NIPBL: variants seen among roughly 807,000 people sequenced by gnomAD.
NIPBL encodes NIPBL cohesin loading factor, also known as nipped-B-like protein.
Under a neutral mutation model 321.8 loss-of-function variants are expected in NIPBL, and 19 were observed. The ratio of observed to expected loss-of-function variants is 0.06; its 90% CI spans 0.04 to 0.09. NIPBL has a LOEUF of 0.09. Ranked by LOEUF, NIPBL falls within the 10% of genes least tolerant of loss-of-function variation. The probability of loss-of-function intolerance (pLI) is 1.00; values close to 1 mark genes in which losing one functional copy is unlikely to be tolerated. For synonymous variants in NIPBL, 1,106 were observed against 1,114.1 expected (o/e 0.99, Z 0.14); for missense variants, 2,210 against 3,327.0 (o/e 0.66, Z 8.26).
intron 26 of NIPBL, 42 bp from the exon 27 acceptor site, chr5:37,020,733 A>C: frequency 6.2e-7 from 1 of 1,605,084 alleles, no homozygotes; most frequent in Non-Finnish European, 8.5e-7. Context: ...TCCCTAAGTT[A>C]CAAAAAAAGA....
chr5:36,946,633 TC>T, intron 1 of NIPBL, among the ~76,000 whole-genome samples: 1 of 151,882 alleles, frequency 6.6e-6, no homozygotes. Flanking sequence ...TTTAAGCCTT[TC>T]CCCCACCACC....
chr5:37,035,178 G>A (rs1191758035), intron 32 of NIPBL, among the ~76,000 whole-genome samples: 1 of 152,216 alleles, frequency 6.6e-6, no homozygotes, highest in Non-Finnish European at 1.5e-5. Flanking sequence ...GGTCCCAGCT[G>A]TGTGGGAGGC....
chr5:36,895,138 A>G (rs1322308098), intron 1 of NIPBL, among the ~76,000 whole-genome samples: 2 of 152,162 alleles, frequency 1.3e-5, no homozygotes, highest in African/African-American at 4.8e-5. Context: ...CCACGTTTCC[A>G]TTAGTGGTCA....
At chr5:37,007,531 A>G in intron 18 of NIPBL, 57 bp downstream of exon 18, 1 of 1,227,876 alleles carries the variant, frequency 8.1e-7, no homozygotes, top group East Asian at 2.4e-5. Flanking sequence ...TAAGTCTAGT[A>G]TAACCTAGCT....
chr5:36,958,925 AGCCGG>A (rs1221465695), intron 4 of NIPBL, among the ~76,000 whole-genome samples: 1 of 152,136 alleles, frequency 6.6e-6, no homozygotes, highest in Non-Finnish European at 1.5e-5. Flanking sequence ...GAATTTTATC[AGCCGG>A]GCATGGTGAC....
At chr5:36,900,698 T>A (rs957521888) in intron 1 of NIPBL, among the ~76,000 whole-genome samples, 2 of 152,158 alleles carry the variant, frequency 1.3e-5, no homozygotes, top group African/African-American at 4.8e-5. Flanking sequence ...TTTGTTTTTT[T>A]AATAAAGAAA....
At chr5:37,049,655 G>A (rs1312958847) in intron 40 of NIPBL, among the ~76,000 whole-genome samples, 1 of 152,182 alleles carries the variant, frequency 6.6e-6, no homozygotes, top group Non-Finnish European at 1.5e-5. Context: ...AGTATAATCT[G>A]TTCAACAGGG....
chr5:37,064,621 G>A lies in NIPBL; in HGVS notation c.8144G>A (p.Cys2715Tyr). The A allele has an allele frequency of 6.2e-7, 1 of 1,614,170 alleles. No homozygotes were observed. The highest frequency in any genetic ancestry group is 8.5e-7 in the Non-Finnish European group (1 of 1,180,034). ...GTCATGGATGTCATCGCTATTTGCT[G>A]TCCAAAGTACAAAGATCGACCACAA... ...VDVMDVIAIC[C>Y]PKYKDRPQIA... is the part of the protein sequence containing the mutation. The change falls in exon 47 of 47, where the codon TGT becomes TAT. Residue 2715 changes from cysteine (C) to tyrosine (Y), a missense_variant. Coordinates refer to ENST00000282516, the MANE Select transcript of NIPBL (RefSeq NM_133433.4).
At chr5:36,884,297 C>G (rs1745724567) in intron 1 of NIPBL, among the ~76,000 whole-genome samples, 1 of 152,070 alleles carries the variant, frequency 6.6e-6, no homozygotes, top group African/African-American at 2.4e-5. Context: ...AAACCCAGAG[C>G]AGTTTCAGAG....
chr5:36,915,362 T>G (rs1387369771), intron 1 of NIPBL, among the ~76,000 whole-genome samples: 1 of 152,152 alleles, frequency 6.6e-6, no homozygotes, highest in East Asian at 1.9e-4. Context: ...TTAAATCTAG[T>G]TATAAACAAA....
intron 32 of NIPBL, among the ~76,000 whole-genome samples, chr5:37,036,080 T>C (rs1751649255): frequency 6.6e-6 from 1 of 152,010 alleles, no homozygotes; most frequent in Non-Finnish European, 1.5e-5. Context: ...GGTCATCTTT[T>C]CTACATCTTT....
chr5:36,878,973 T>G (rs1406884919), intron 1 of NIPBL, among the ~76,000 whole-genome samples: 5 of 108,588 alleles, frequency 4.6e-5, no homozygotes, highest in African/African-American at 6.7e-5. Context: ...CTACTGCGGG[T>G]GGGGGGGTGT....
At chr5:36,892,420 C>G (rs1746403423) in intron 1 of NIPBL, among the ~76,000 whole-genome samples, 1 of 152,138 alleles carries the variant, frequency 6.6e-6, no homozygotes. Context: ...CCATTTGACC[C>G]AGCCATCCCA....
At chr5:36,892,070 G>A (rs1311032922) in intron 1 of NIPBL, among the ~76,000 whole-genome samples, 1 of 152,146 alleles carries the variant, frequency 6.6e-6, no homozygotes, top group Non-Finnish European at 1.5e-5. Flanking sequence ...AATGGATATT[G>A]AAAAATTTAG....
chr5:36,926,331 G>C (rs1272791997), intron 1 of NIPBL, among the ~76,000 whole-genome samples: 1 of 152,180 alleles, frequency 6.6e-6, no homozygotes, highest in African/African-American at 2.4e-5. Context: ...GCTTGGCTTT[G>C]TTCATGTGGT....
chr5:37,044,236 A>T (rs1554031755), intron 34 of NIPBL, 111 bp from the exon 35 acceptor site: 1 of 966,792 alleles, frequency 1.0e-6, no homozygotes, highest in Non-Finnish European at 1.5e-6. Flanking sequence ...TTTTTTTTTA[A>T]CTGGACCTTT....
chr5:36,983,083 A>G (rs1220141095), intron 9 of NIPBL, among the ~76,000 whole-genome samples: 1 of 151,952 alleles, frequency 6.6e-6, no homozygotes, highest in Non-Finnish European at 1.5e-5. Flanking sequence ...GAACATTCTA[A>G]AAGAGGATTC....
At chr5:37,052,074 G>C (rs1273211307) in intron 41 of NIPBL, among the ~76,000 whole-genome samples, 188 bp downstream of exon 41, 1 of 152,064 alleles carries the variant, frequency 6.6e-6, no homozygotes, top group Non-Finnish European at 1.5e-5. Flanking sequence ...TTGGGCTAGA[G>C]GTGACAGTAC....
rs1336182150 is a variant in NIPBL, at chr5:37,000,982, C to T, written c.3575-7C>T. On this transcript the variant is annotated splice_region_variant and splice_polypyrimidine_tract_variant and intron_variant, in intron 13 of 46. Transcript: ENST00000282516. ...GAGAATAATGAATATATTTTTCTCT[C>T]TTGCAGAAATGATGGACTCTTCAAC... is the stretch of plus-strand genomic sequence containing the variant. 2.5e-6 allele frequency: 4 copies of T among 1,607,080 alleles called. No individual in the cohort carries two copies. The highest frequency in any genetic ancestry group is 3.4e-6 in the Non-Finnish European group (4 of 1,174,146).
Sources: gnomAD v4.1 joint callset for allele counts (sites outside exome capture counted in the v4.1 genomes callset) on GRCh38, gnomAD v4.1.1 for gene constraint, MANE v1.5 for transcripts, NCBI Gene and HGNC (gene_info 2026-07-23, HGNC 2026-07-21) for gene names.